Variants in SUGP1 observed in about 807,000 individuals in gnomAD.
SUGP1 encodes SURP and G-patch domain-containing protein 1.
Under a neutral mutation model 76.5 loss-of-function variants are expected in SUGP1, and 34 were observed. That is an observed-to-expected ratio of 0.44 (90% confidence interval 0.34 to 0.59). The LOEUF (loss-of-function observed/expected upper bound fraction) is 0.59. SUGP1 is among the 20% of genes least tolerant of loss of function. SUGP1 has a pLI of 0.01. For synonymous variants in SUGP1, 326 were observed against 326.2 expected, an observed-to-expected ratio of 1.00 and a Z score of 0.01; for missense variants, 752 against 851.7, an observed-to-expected ratio of 0.88 and a Z score of 1.46.
Position 19,277,070 on chromosome 19 carries a change from G to C in SUGP1, c.1788C>G (p.Thr596=). The C allele has an allele frequency of 6.2e-7, 1 of 1,610,136 alleles. No individual in the cohort carries two copies. The highest frequency in any genetic ancestry group is 8.5e-7 in the Non-Finnish European group (1 of 1,179,532). Residue 596 remains threonine (T), a synonymous_variant, in exon 13 of 14, where the codon ACC becomes ACG. Coordinates refer to ENST00000247001, the MANE Select transcript of SUGP1 (RefSeq NM_172231.4). Reference sequence around the variant, plus strand: ...CGAAGCCAGCGCCGTCCACTGTGGTGGTGCCCCTACAGGGAGAAGAGGATG... The same window carrying C: ...CGAAGCCAGCGCCGTCCACTGTGGTCGTGCCCCTACAGGGAGAAGAGGATG... The part of the protein sequence containing the change: ...QGIKNPVNKG[T]TTVDGAGFGI...
At chr19:19,288,858 T>G (rs2061161200) in intron 8 of SUGP1, among the ~76,000 whole-genome samples, 4 of 151,894 alleles carry the variant, frequency 2.6e-5, no homozygotes, top group Admixed American at 2.6e-4. Context: ...CGATCTCAGC[T>G]CACTGCAACC....
At chr19:19,296,913 T>TG in intron 8 of SUGP1, 76 bp downstream of exon 8, 1 of 1,243,564 alleles carries the variant, frequency 8.0e-7, no homozygotes, top group Non-Finnish European at 1.1e-6. Flanking sequence ...ACACTGTGGA[T>TG]GAACCTTGAA....
At chr19:19,282,832 C>T (rs184858599) in intron 8 of SUGP1, among the ~76,000 whole-genome samples, 5 of 152,144 alleles carry the variant, frequency 3.3e-5, no homozygotes, top group African/African-American at 4.8e-5. Context: ...AATCCCAGAA[C>T]TTTGGGAGGC....
At chr19:19,300,217 A>G (rs2061260512) in intron 7 of SUGP1, among the ~76,000 whole-genome samples, 1 of 152,060 alleles carries the variant, frequency 6.6e-6, no homozygotes, top group Admixed American at 6.6e-5. Flanking sequence ...CTGGGATTAT[A>G]GGCACATGAC....
chr19:19,302,225 G>C, intron 7 of SUGP1, 40 bp downstream of exon 7: 1 of 1,611,354 alleles, frequency 6.2e-7, no homozygotes, highest in Non-Finnish European at 8.5e-7. Context: ...GGGGACTGTG[G>C]CCAGGGTGAC....
chr19:19,288,944 C>T (rs992331242), intron 8 of SUGP1, among the ~76,000 whole-genome samples: 1 of 151,954 alleles, frequency 6.6e-6, no homozygotes, highest in Non-Finnish European at 1.5e-5. Flanking sequence ...TGCCACCATG[C>T]CCGGCTAATT....
intron 6 of SUGP1, among the ~76,000 whole-genome samples, chr19:19,303,145 CT>C (rs1221366893): frequency 5.3e-5 from 8 of 152,234 alleles, no homozygotes; most frequent in Non-Finnish European, 8.8e-5. Context: ...GACACTCAGG[CT>C]TCACCAGGTC....
rs1190350223 is a variant in SUGP1 at position 19,302,259 on chromosome 19, C to T, written c.887+6G>A. 6.2e-7 allele frequency: 1 copy of T among 1,614,068 alleles called. No homozygotes were observed. The highest frequency in any genetic ancestry group is 8.5e-7 in the Non-Finnish European group (1 of 1,179,944). ...ACGGTCACCTCCCTGGCAGGGCCCC[C>T]CTTACCTGAATGCCTGGTTCTCACG... On this transcript the variant is annotated splice_donor_region_variant and intron_variant, in intron 7 of 13. Transcript: ENST00000247001.
chr19:19,293,736 GCA>G (rs2061203544), intron 8 of SUGP1, among the ~76,000 whole-genome samples: 1 of 152,196 alleles, frequency 6.6e-6, no homozygotes. Context: ...AGACAAGGAT[GCA>G]CACTTCCACC....
chr19:19,288,029 G>A (rs1418730295), intron 8 of SUGP1, among the ~76,000 whole-genome samples: 1 of 152,052 alleles, frequency 6.6e-6, no homozygotes, highest in Non-Finnish European at 1.5e-5. Flanking sequence ...TTCATAAATA[G>A]TCAATATATT....
intron 8 of SUGP1, among the ~76,000 whole-genome samples, chr19:19,285,915 T>C (rs776240378): frequency 2.6e-5 from 4 of 152,128 alleles, no homozygotes; most frequent in Non-Finnish European, 5.9e-5. Flanking sequence ...GCAAATGCAG[T>C]TGGGTTTATG....
intron 8 of SUGP1, among the ~76,000 whole-genome samples, chr19:19,292,254 C>CA (rs565125004): frequency 2.2e-4 from 29 of 132,388 alleles, no homozygotes; most frequent in Non-Finnish European, 4.0e-4. Flanking sequence ...GCCAGGGTGA[C>CA]AGAGTGAGAC....
chr19:19,298,495 C>CA (rs1242393898), intron 7 of SUGP1, among the ~76,000 whole-genome samples: 1 of 151,966 alleles, frequency 6.6e-6, no homozygotes, highest in African/African-American at 2.4e-5. Context: ...GACTCCATCT[C>CA]AAAAAAATAA....
chr19:19,297,481 A>C, intron 7 of SUGP1, 137 bp from the exon 8 acceptor site: 1 of 556,048 alleles, frequency 1.8e-6, no homozygotes, highest in Non-Finnish European at 2.9e-6. Context: ...CACGGTCTCC[A>C]CCATGACCTC....
intron 12 of SUGP1, 93 bp from the exon 13 acceptor site, chr19:19,277,169 G>C (rs2061057275): frequency 6.8e-7 from 1 of 1,471,756 alleles, no homozygotes; most frequent in African/African-American, 1.4e-5. Context: ...ACCTCCCGCG[G>C]GTGCAGGGCT....
At chr19:19,301,580 G>C (rs907027907) in intron 7 of SUGP1, 1 of 152,628 alleles carries the variant, frequency 6.6e-6, no homozygotes, top group African/African-American at 2.4e-5. Flanking sequence ...GATTGAGTCG[G>C]GGCTTGTGTA....
chr19:19,289,970 A>G (rs370313848), intron 8 of SUGP1, among the ~76,000 whole-genome samples: 3 of 151,904 alleles, frequency 2.0e-5, no homozygotes, highest in African/African-American at 7.3e-5. Flanking sequence ...TAGGAAGAAT[A>G]TAAGGGCCAT....
intron 8 of SUGP1, among the ~76,000 whole-genome samples, chr19:19,294,040 A>G (rs1176965869): frequency 6.6e-6 from 1 of 152,062 alleles, no homozygotes; most frequent in Non-Finnish European, 1.5e-5. Context: ...TGCAAAGATT[A>G]GCCAGGCATG....
At chr19:19,291,888 G>GACACACACACAC (rs1555788743) in intron 8 of SUGP1, among the ~76,000 whole-genome samples, 1 of 65,326 alleles carries the variant, frequency 1.5e-5, no homozygotes, top group Non-Finnish European at 3.3e-5. Context: ...GTGAGACTCT[G>GACACACACACAC]TCACACACAC....
Sources: allele counts gnomAD v4.1 joint callset (sites outside exome capture counted in the v4.1 genomes callset), GRCh38; gene constraint gnomAD v4.1.1; transcripts MANE v1.5; gene names NCBI Gene and HGNC (gene_info 2026-07-23, HGNC 2026-07-21).